LIN37: variants seen among roughly 807,000 people sequenced by gnomAD.
LIN37 encodes protein lin-37 homolog.
In LIN37, 21 loss-of-function variants were observed where a neutral mutation model predicts 38.0. The observed-to-expected ratio is 0.55, with a 90% CI of 0.39 to 0.80. LIN37 has a LOEUF of 0.80. Among genes scored for constraint, LIN37 ranks in the 30% least tolerant of loss-of-function variants. LIN37 has a pLI of 0.00. For synonymous variants in LIN37, 126 were observed against 122.9 expected, an observed-to-expected ratio of 1.03 and a Z score of -0.17; for missense variants, 273 against 338.5, an observed-to-expected ratio of 0.81 and a Z score of 1.52.
In LIN37 at chr19:35,752,170, C is replaced by G; in HGVS notation, c.35-6C>G. On this transcript the variant is annotated splice_region_variant and splice_polypyrimidine_tract_variant and intron_variant, in intron 1 of 8. Coordinates refer to ENST00000301159, the MANE Select transcript of LIN37 (RefSeq NM_019104.3). ...CTGACTCCTGCTGGGTCCTCTCTTG[C>G]CCCAGAGCTGGAGATGGCCAAAGCC... is the stretch of plus-strand genomic sequence containing the variant. 1 of 1,591,372 alleles carries G rather than the reference C, an allele frequency of 6.3e-7. No homozygotes were observed. Among genetic ancestry groups the G allele is most frequent in the Non-Finnish European group, 8.6e-7 (1 of 1,169,060 alleles).
At chr19:35,750,620 C>T (rs1210863742) in intron 1 of LIN37, among the ~76,000 whole-genome samples, 1 of 152,174 alleles carries the variant, frequency 6.6e-6, no homozygotes, top group African/African-American at 2.4e-5. Flanking sequence ...GCCTAGATCT[C>T]ATTTCCCGAG....
Position 35,748,612 on chromosome 19 carries a change from C to G in LIN37, c.-113C>G. ...TGGACACAACCAAAGGCGGAGGACC[C>G]GTGGCCCACGAAGCTCATCTTTGAA... On this transcript the variant is annotated 5_prime_UTR_variant, in exon 1 of 9. Transcript: ENST00000301159. 1.4e-6 allele frequency: 2 copies of G among 1,441,058 alleles called. No homozygotes were observed. Among genetic ancestry groups the G allele is most frequent in the East Asian group, 4.6e-5 (2 of 43,898 alleles). The allele number at this position is 1,441,058 out of a possible 1,614,324, so 89.3% of individuals were successfully genotyped here.
Position 35,752,925 on chromosome 19 carries a change from G to A in LIN37, c.203G>A (p.Arg68His), listed in dbSNP as rs200474658. The change falls in exon 5 of 9, where the codon CGC becomes CAC. Residue 68 changes from arginine to histidine, a missense_variant. Coordinates refer to ENST00000301159, the MANE Select transcript of LIN37 (RefSeq NM_019104.3). Reference sequence around the variant, plus strand: ...CTCTCCCTACGCAGGCCATCTGCCCGCTTCCCCCACCAGCGGAGGAAGAAG... The same window carrying A: ...CTCTCCCTACGCAGGCCATCTGCCCACTTCCCCCACCAGCGGAGGAAGAAG... The part of the protein sequence containing the change: ...IAATGKRPSA[R>H]FPHQRRKKRR... The A allele has an allele frequency of 3.1e-5, 49 of 1,575,342 alleles. No individual in the cohort carries two copies. The highest frequency in any genetic ancestry group is 3.5e-5 in the South Asian group (3 of 86,298).
intron 1 of LIN37, among the ~76,000 whole-genome samples, chr19:35,750,256 G>A (rs541444767): frequency 8.5e-5 from 13 of 152,212 alleles, no homozygotes; most frequent in East Asian, 1.9e-4. Flanking sequence ...GGCCCAAGTC[G>A]GGGGTTCAGG....
Position 35,754,105 on chromosome 19 carries a change from C to T in LIN37, c.533C>T (p.Ser178Phe). ...PPGPPGDACR[S>F]RIPSPLQPEM... ...GGGCCACCCGGAGATGCCTGCAGAT[C>T]CCGCATCCCATCTCCACTGCAGCCT... The change falls in exon 7 of 9, where the codon TCC (serine) becomes TTC (phenylalanine). Residue 178 changes from serine (S) to phenylalanine (F), a missense_variant. Ser to Phe is a radical substitution (Grantham distance 155, BLOSUM62 -2). Coordinates refer to ENST00000301159, the MANE Select transcript of LIN37 (RefSeq NM_019104.3). 1 of 1,614,002 alleles carries T rather than the reference C, an allele frequency of 6.2e-7. No individual in the cohort carries two copies. The highest frequency in any genetic ancestry group is 8.5e-7 in the Non-Finnish European group (1 of 1,179,880).
At chr19:35,748,913 C>A in intron 1 of LIN37, 155 bp downstream of exon 1, 1 of 1,551,510 alleles carries the variant, frequency 6.4e-7, no homozygotes. Context: ...TGCCTGCCAC[C>A]TTCACACCCT....
chr19:35,751,931 A>C, intron 1 of LIN37: 1 of 339,812 alleles, frequency 2.9e-6, no homozygotes, highest in Non-Finnish European at 5.4e-6. Flanking sequence ...AAAACCCAAA[A>C]GGCTCATAAG....
At chr19:35,752,675 G>C in intron 3 of LIN37, 129 bp from the exon 4 acceptor site, 1 of 1,364,518 alleles carries the variant, frequency 7.3e-7, no homozygotes, top group Non-Finnish European at 1.0e-6. Flanking sequence ...GGGTATGGGT[G>C]GGACAAAAGG....
At chr19:35,753,989 G>A (rs1159335868) in intron 6 of LIN37, 28 bp from the exon 7 acceptor site, 2 of 1,607,372 alleles carry the variant, frequency 1.2e-6, no homozygotes, top group East Asian at 2.2e-5. Flanking sequence ...ACTCTCTTGG[G>A]CCTGGCATGG....
In LIN37 at chr19:35,754,263, C is replaced by T. The variant is rs763266553; in HGVS notation, c.603C>T (p.Pro201=). The T allele has an allele frequency of 6.2e-7, 1 of 1,614,016 alleles. No homozygotes were observed. The highest frequency in any genetic ancestry group is 8.5e-7 in the Non-Finnish European group (1 of 1,179,878). ...TPDDEPSEPE[P]SPSTLIYRNM... Reference sequence around the variant, plus strand: ...CCATGCAGCCCTCTGAGCCCGAGCCCTCACCCTCCACACTCATCTATCGCA... The same window carrying T: ...CCATGCAGCCCTCTGAGCCCGAGCCTTCACCCTCCACACTCATCTATCGCA... Residue 201 remains proline, a synonymous_variant, in exon 8 of 9, where the codon CCC becomes CCT. Coordinates refer to ENST00000301159, the MANE Select transcript of LIN37 (RefSeq NM_019104.3).
At chr19:35,748,787 G>C (rs747672014) in intron 1 of LIN37, 29 bp downstream of exon 1, 1 of 1,613,670 alleles carries the variant, frequency 6.2e-7, no homozygotes, top group South Asian at 1.1e-5. Context: ...GGGGCCTGTC[G>C]GGACCATCGG....
intron 1 of LIN37, among the ~76,000 whole-genome samples, chr19:35,750,160 T>A (rs1244541862): frequency 4.8e-5 from 6 of 124,034 alleles, no homozygotes; most frequent in Non-Finnish European, 6.9e-5. Flanking sequence ...GTTGGTGGGC[T>A]GGGTAGGGGA....
At position 35,754,452 on chromosome 19, in the gene LIN37, G is replaced by A. The variant is rs754903532; in HGVS notation, c.719G>A (p.Arg240Gln). The change falls in exon 9 of 9, where the codon CGA becomes CAA. Residue 240 changes from arginine to glutamine, a missense_variant. Coordinates refer to ENST00000301159, the MANE Select transcript of LIN37 (RefSeq NM_019104.3). ...TACTCAGAAAGCATGAAGATCCTACGAGAGATGTACGAACGACAGTGATGT... is the reference window on the plus strand; with the variant it reads ...TACTCAGAAAGCATGAAGATCCTACAAGAGATGTACGAACGACAGTGATGT... Reference protein sequence around the residue: ...LRYSESMKILREMYERQ With the variant: ...LRYSESMKILQEMYERQ 30 of 1,613,906 alleles carry A rather than the reference G, an allele frequency of 1.9e-5. No individual in the cohort carries two copies. Among genetic ancestry groups the A allele is most frequent in the Middle Eastern group, 1.6e-4 (1 of 6,084 alleles).
Position 35,752,989 on chromosome 19 carries a change from G to C in LIN37, c.267G>C (p.Pro89=). The change falls in exon 5 of 9, where the codon CCG becomes CCC. Residue 89 remains proline, a synonymous_variant. Transcript: ENST00000301159. The part of the protein sequence containing the change: ...EMDDGLAEGG[P]QRSNTYVIKL... ...ATGATGGGCTGGCTGAGGGAGGGCC[G>C]CAGCGATCCAGTGAGTAGACAGTGG... 1 of 1,568,760 alleles carries C rather than the reference G, an allele frequency of 6.4e-7. No homozygotes were observed.
rs1250738812 is a variant in LIN37, at chr19:35,754,372, G to A, written c.660-21G>A. The A allele has an allele frequency of 4.3e-6, 7 of 1,614,008 alleles. No homozygotes were observed. In the East Asian group the frequency reaches 8.9e-5, roughly 21 times the overall value. On this transcript the variant is annotated intron_variant, in intron 8 of 8. Transcript: ENST00000301159. Reference sequence around the variant, plus strand: ...TCGTAGGGCCCTTTGCAACTGCTGAGTCTCCCCTCTGCCTCCCCAGGTGGA... The same window carrying A: ...TCGTAGGGCCCTTTGCAACTGCTGAATCTCCCCTCTGCCTCCCCAGGTGGA...
Position 35,753,141 on chromosome 19 carries a change from A to G in LIN37, c.332A>G (p.Glu111Gly), listed in dbSNP as rs772332523. ...DRSVDLAQFSENTPLYPICRA... is the reference protein window; with the variant it reads ...DRSVDLAQFSGNTPLYPICRA... ...AGCGTGGACTTGGCCCAGTTCAGCG[A>G]GAACACGCCACTGTACCCAATCTGC... Residue 111 changes from glutamate to glycine, a missense_variant, in exon 6 of 9, where the codon GAG becomes GGG. Glu to Gly is a moderately conservative substitution (Grantham distance 98). Transcript: ENST00000301159. 3 of 1,600,924 alleles carry G rather than the reference A, an allele frequency of 1.9e-6. No homozygotes were observed. The highest frequency in any genetic ancestry group is 1.7e-6 in the Non-Finnish European group (2 of 1,174,068).
Position 35,752,504 on chromosome 19 carries a change from T to C in LIN37, c.161+20T>C. 6.2e-7 allele frequency: 1 copy of C among 1,613,596 alleles called. No homozygotes were observed. The highest frequency in any genetic ancestry group is 8.5e-7 in the Non-Finnish European group (1 of 1,179,550). The stretch of plus-strand genomic sequence containing the variant: ...CAATAAGTGAGTTTTTCTGATTGGA[T>C]TTGGAGTTGAGAGTTCGTGGTTGGT... On this transcript the variant is annotated intron_variant, in intron 3 of 8. Coordinates refer to ENST00000301159, the MANE Select transcript of LIN37 (RefSeq NM_019104.3).
Position 35,754,014 on chromosome 19 carries a change from C to G in LIN37, c.445-3C>G. 1.2e-6 allele frequency: 2 copies of G among 1,612,836 alleles called. No individual in the cohort carries two copies. The highest frequency in any genetic ancestry group is 1.7e-6 in the Non-Finnish European group (2 of 1,179,396). Reference sequence around the variant, plus strand: ...GCCTGGCATGGGGCCCTTGTGTCCCCAGGGCTCAGAGGTAACCAACAGCAA... The same window carrying G: ...GCCTGGCATGGGGCCCTTGTGTCCCGAGGGCTCAGAGGTAACCAACAGCAA... On this transcript the variant is annotated splice_region_variant and splice_polypyrimidine_tract_variant and intron_variant, in intron 6 of 8. Transcript: ENST00000301159.
chr19:35,752,606 C>G, intron 3 of LIN37, 122 bp downstream of exon 3: 4 of 1,264,846 alleles, frequency 3.2e-6, no homozygotes, highest in Non-Finnish European at 3.4e-6. Flanking sequence ...TCCACCTGTA[C>G]AAAGACCCTG....
Sources: gnomAD v4.1 joint callset for allele counts (sites outside exome capture counted in the v4.1 genomes callset) on GRCh38, gnomAD v4.1.1 for gene constraint, MANE v1.5 for transcripts, NCBI Gene and HGNC (gene_info 2026-07-23, HGNC 2026-07-21) for gene names.